DST: variants seen among roughly 807,000 people sequenced by gnomAD.
DST encodes the protein dystonin, also known as bullous pemphigoid antigen.
DST carries 253 observed loss-of-function variants against 875.2 expected under a neutral mutation model. The observed-to-expected ratio is 0.29, with a 90% CI of 0.26 to 0.32. The LOEUF is 0.32. DST is among the 10% of genes least tolerant of loss of function. The pLI, the probability that DST is intolerant of heterozygous loss-of-function variation, is 1.00. For synonymous variants in DST, 3,124 were observed against 3,197.1 expected (o/e 0.98, Z 0.77); for missense variants, 8,287 against 9,111.6 (o/e 0.91, Z 3.68).
intron 4 of DST, among the ~76,000 whole-genome samples, chr6:56,737,285 G>T (rs1258451838): frequency 6.6e-6 from 1 of 152,130 alleles, no homozygotes; most frequent in Non-Finnish European, 1.5e-5. Context: ...CACAGATAAA[G>T]CTTTCTAACT....
intron 4 of DST, among the ~76,000 whole-genome samples, chr6:56,840,189 AAGC>A (rs1311357793): frequency 6.6e-6 from 1 of 152,198 alleles, no homozygotes. Context: ...TAAACTCAAA[AAGC>A]AGAATTTCAT....
rs752006591 is a variant in DST at position 56,624,519 on chromosome 6, T to A, written c.4929+11A>T. The A allele has an allele frequency of 6.3e-7, 1 of 1,584,260 alleles. No homozygotes were observed. Among genetic ancestry groups the A allele is most frequent in the East Asian group, 2.2e-5 (1 of 44,744 alleles). Reference sequence around the variant, plus strand: ...CTTTATATTTACAGGGTGCTCACTGTTAATGATTACCTCCTCCTCTTCCAG... The same window carrying A: ...CTTTATATTTACAGGGTGCTCACTGATAATGATTACCTCCTCCTCTTCCAG... On this transcript the variant is annotated intron_variant, in intron 36 of 103. Coordinates refer to ENST00000680361, the MANE Select transcript of DST (RefSeq NM_001374736.1).
At chr6:56,752,321 CTT>C (rs368574487) in intron 4 of DST, among the ~76,000 whole-genome samples, 1 of 145,614 alleles carries the variant, frequency 6.9e-6, no homozygotes, top group Non-Finnish European at 1.5e-5. Flanking sequence ...TGATTTTATG[CTT>C]TTTTTTTTTA....
intron 2 of DST, among the ~76,000 whole-genome samples, chr6:56,932,783 T>G (rs1811022961): frequency 6.7e-6 from 1 of 150,300 alleles, no homozygotes; most frequent in African/African-American, 2.5e-5. Flanking sequence ...AGTCCCAGAG[T>G]GAGATGGAGC....
intron 12 of DST, among the ~76,000 whole-genome samples, chr6:56,650,658 AAGTT>A (rs1189312101): frequency 2.0e-5 from 3 of 152,224 alleles, no homozygotes; most frequent in Non-Finnish European, 4.4e-5. Context: ...AAATTTCAGA[AAGTT>A]AAACCTTTTA....
In DST at chr6:56,714,032, A is replaced by T. The variant is rs1292429687; in HGVS notation, c.688-9663T>A. On this transcript the variant is annotated intron_variant, in intron 5 of 103. Transcript: ENST00000680361. This position sits in a 1 kb window ranked among gnomAD's most constrained non-coding sequence, Gnocchi z 4.5. ...AGGAACACTAAAACTATTTTTAAAG[A>T]CACCCCCAGATGATGAGATACCACT... 6.6e-6 allele frequency among the ~76,000 whole-genome samples: 1 copy of T among 152,172 alleles called. No individual in the cohort carries two copies. Among genetic ancestry groups the T allele is most frequent in the Non-Finnish European group, 1.5e-5 (1 of 68,036 alleles).
chr6:56,633,040 A>G lies in DST; in HGVS notation c.3622-3T>C, dbSNP rs2098794374. On this transcript the variant is annotated splice_region_variant and splice_polypyrimidine_tract_variant and intron_variant, in intron 27 of 103. Coordinates refer to ENST00000680361, the MANE Select transcript of DST (RefSeq NM_001374736.1). ...TCACCAGGTAGCATTGTCTTTATCTAAAGAAGACCAAAGACCCATGTAATT... is the reference window on the plus strand; with the variant it reads ...TCACCAGGTAGCATTGTCTTTATCTGAAGAAGACCAAAGACCCATGTAATT... 2 of 1,612,078 alleles carry G rather than the reference A, an allele frequency of 1.2e-6. No individual in the cohort carries two copies. The highest frequency in any genetic ancestry group is 1.3e-5 in the African/African-American group (1 of 74,876).
rs1444681919 is a variant in DST at position 56,954,709 on chromosome 6, C to T, written c.-122G>A. On this transcript the variant is annotated 5_prime_UTR_variant, in exon 1 of 104. Coordinates refer to ENST00000680361, the MANE Select transcript of DST (RefSeq NM_001374736.1). ...GCGCGGCTCAGCGCGTCATGCCTGG[C>T]GCTCGCGGCCCCGCGCCCAGCCCAA... is the stretch of plus-strand genomic sequence containing the variant. The T allele has an allele frequency of 1.5e-5, 8 of 518,792 alleles. No homozygotes were observed. The highest frequency in any genetic ancestry group is 2.0e-5 in the Non-Finnish European group (8 of 394,016). 32.1% of individuals were successfully genotyped at this position (518,792 alleles called of 1,614,324 possible).
At chr6:56,656,860 T>C (rs1299270947) in intron 10 of DST, among the ~76,000 whole-genome samples, 2 of 152,180 alleles carry the variant, frequency 1.3e-5, no homozygotes, top group Non-Finnish European at 2.9e-5. Flanking sequence ...TGTATATGTA[T>C]ATGTATGTGT....
chr6:56,458,985 C>CCT lies in DST; in HGVS notation c.*18_*19dup. 1 of 1,568,844 alleles carries CCT rather than the reference C, an allele frequency of 6.4e-7. No individual in the cohort carries two copies. The highest frequency in any genetic ancestry group is 8.7e-7 in the Non-Finnish European group (1 of 1,154,316). The stretch of plus-strand genomic sequence containing the variant: ...TAAATAATAAATGCTCAAGGAAGGG[C>CCT]CTTGGTAGAACCAATTGCACTATCT... On this transcript the variant is annotated 3_prime_UTR_variant, in exon 104 of 104. Coordinates refer to ENST00000680361, the MANE Select transcript of DST (RefSeq NM_001374736.1).
chr6:56,545,212 C>T (rs969367695), intron 61 of DST, among the ~76,000 whole-genome samples: 2 of 151,800 alleles, frequency 1.3e-5, no homozygotes, highest in Non-Finnish European at 2.9e-5. Flanking sequence ...CTCTGTTGCC[C>T]AGGATGGTTT....
chr6:56,936,594 T>C (rs1001891345), intron 2 of DST, among the ~76,000 whole-genome samples: 1 of 151,912 alleles, frequency 6.6e-6, no homozygotes, highest in Non-Finnish European at 1.5e-5. Flanking sequence ...CCCTAAACAA[T>C]ACCACAGGCA....
intron 3 of DST, among the ~76,000 whole-genome samples, chr6:56,889,726 A>AC (rs1200267055): frequency 6.6e-6 from 1 of 151,982 alleles, no homozygotes; most frequent in African/African-American, 2.4e-5. Context: ...CCCCATACCC[A>AC]CCCCCAATCT....
intron 4 of DST, among the ~76,000 whole-genome samples, chr6:56,828,653 C>T (rs2099783605): frequency 6.6e-6 from 1 of 152,186 alleles, no homozygotes; most frequent in Non-Finnish European, 1.5e-5. Flanking sequence ...TAGTTTAGAG[C>T]TTGCTTTTTC....
At chr6:56,932,969 GT>G (rs1360711573) in intron 2 of DST, among the ~76,000 whole-genome samples, 1 of 151,542 alleles carries the variant, frequency 6.6e-6, no homozygotes, top group Non-Finnish European at 1.5e-5. Flanking sequence ...ATAATACAAT[GT>G]TTGGTTCTCT....
chr6:56,770,987 G>A (rs1295595168), intron 4 of DST, among the ~76,000 whole-genome samples: 26 of 138,486 alleles, frequency 1.9e-4, no homozygotes, highest in African/African-American at 5.4e-4. Flanking sequence ...CAACAAGAGC[G>A]AAACTCCATC....
chr6:56,865,066 C>G (rs964184223), intron 3 of DST, among the ~76,000 whole-genome samples: 1 of 152,086 alleles, frequency 6.6e-6, no homozygotes, highest in Admixed American at 6.6e-5. Flanking sequence ...CACTGAGGCT[C>G]CTAGAAGTAG....
At chr6:56,822,991 G>C (rs1036223356) in intron 4 of DST, among the ~76,000 whole-genome samples, 3 of 151,412 alleles carry the variant, frequency 2.0e-5, no homozygotes, top group African/African-American at 7.3e-5. Flanking sequence ...TACCAAGCCT[G>C]GCTAATTTTT....
At chr6:56,921,814 A>G (rs1592521725) in intron 2 of DST, among the ~76,000 whole-genome samples, 1 of 152,264 alleles carries the variant, frequency 6.6e-6, no homozygotes, top group East Asian at 1.9e-4. Flanking sequence ...GTTATTTCGT[A>G]TATTTATCTC....
Sources: gnomAD v4.1 joint callset for allele counts (sites outside exome capture counted in the v4.1 genomes callset) on GRCh38, gnomAD v4.1.1 for gene constraint, Gnocchi (gnomAD v3.1) non-coding constraint, MANE v1.5 for transcripts, NCBI Gene and HGNC (gene_info 2026-07-23, HGNC 2026-07-21) for gene names.